Variants in FSTL1 observed in about 807,000 individuals in gnomAD.
FSTL1 encodes the protein follistatin-related protein 1.
FSTL1 carries 24 observed loss-of-function variants against 45.9 expected under a neutral mutation model. That is an observed-to-expected ratio of 0.52 (90% CI 0.38 to 0.74). The LOEUF (loss-of-function observed/expected upper bound fraction) is 0.74, where lower values mean the gene tolerates loss of function less well. FSTL1 is among the 30% of genes least tolerant of loss of function. The pLI, the probability that FSTL1 is intolerant of heterozygous loss-of-function variation, is 0.00. For synonymous variants in FSTL1, 120 were observed against 137.6 expected, an observed-to-expected ratio of 0.87 and a Z score of 0.89; for missense variants, 340 against 381.8, an observed-to-expected ratio of 0.89 and a Z score of 0.91.
intron 2 of FSTL1, among the ~76,000 whole-genome samples, chr3:120,439,481 G>C (rs1937605355): frequency 6.6e-6 from 1 of 152,196 alleles, no homozygotes; most frequent in Admixed American, 6.5e-5. Flanking sequence ...GCTTTTGATG[G>C]AGGCCTAGTA....
At chr3:120,425,877 G>C (rs1350574621) in intron 2 of FSTL1, among the ~76,000 whole-genome samples, 1 of 152,180 alleles carries the variant, frequency 6.6e-6, no homozygotes, top group East Asian at 1.9e-4. Flanking sequence ...CCCCAATTGA[G>C]TGTCCTGATT....
intron 6 of FSTL1, among the ~76,000 whole-genome samples, chr3:120,406,401 G>A (rs1004977954): frequency 1.4e-4 from 21 of 152,176 alleles, no homozygotes; most frequent in African/African-American, 4.6e-4. Context: ...GCCTGATGAT[G>A]GAATGAGTGT....
At chr3:120,442,285 A>G (rs1005057025) in intron 2 of FSTL1, among the ~76,000 whole-genome samples, 2 of 152,186 alleles carry the variant, frequency 1.3e-5, no homozygotes, top group African/African-American at 4.8e-5. Flanking sequence ...ACAAGGCCTC[A>G]CAGCTGGACA....
Position 120,403,235 on chromosome 3 carries a change from G to A in FSTL1, c.694+7C>T. 2.1e-6 allele frequency: 3 copies of A among 1,458,730 alleles called. No individual in the cohort carries two copies. In the South Asian group the frequency reaches 3.4e-5, roughly 17 times the overall value. 90.4% of individuals were successfully genotyped at this position (1,458,730 alleles called of 1,614,324 possible). On this transcript the variant is annotated splice_region_variant and intron_variant, in intron 8 of 10. Transcript: ENST00000295633. ...CTACAGCTCTCTATTTCTTAGGTTA[G>A]GCATACTCTTCTCAGGAGGGTTGAA...
At position 120,409,577 on chromosome 3, in the gene FSTL1, G is replaced by A; in HGVS notation, c.417C>T (p.Phe139=). 6.2e-7 allele frequency: 1 copy of A among 1,613,786 alleles called. No individual in the cohort carries two copies. ...TTTCACTGTAGTTGCTGCCTTTAGA[G>A]AACCAGCCATCTGGAATGATCTCAG... ...LEAEIIPDGW[F]SKGSNYSEIL... Residue 139 remains phenylalanine (F), a synonymous_variant, in exon 6 of 11, where the codon TTC becomes TTT. Transcript: ENST00000295633.
intron 5 of FSTL1, chr3:120,410,706 C>T (rs1937034237): frequency 3.2e-6 from 2 of 627,626 alleles, no homozygotes; most frequent in Admixed American, 2.1e-5. Context: ...AGTTCAATCA[C>T]TACTCAGGAA....
At chr3:120,440,381 T>C (rs1937616002) in intron 2 of FSTL1, among the ~76,000 whole-genome samples, 1 of 152,252 alleles carries the variant, frequency 6.6e-6, no homozygotes, top group African/African-American at 2.4e-5. Context: ...GAGTGGATGT[T>C]ACCTAGCAGA....
intron 2 of FSTL1, among the ~76,000 whole-genome samples, chr3:120,437,344 C>T (rs1376543698): frequency 6.6e-6 from 1 of 152,130 alleles, no homozygotes; most frequent in Non-Finnish European, 1.5e-5. Context: ...GAATGACATG[C>T]ACTTATTAAA....
At chr3:120,439,130 G>A (rs1937601958) in intron 2 of FSTL1, among the ~76,000 whole-genome samples, 1 of 152,138 alleles carries the variant, frequency 6.6e-6, no homozygotes, top group African/African-American at 2.4e-5. Flanking sequence ...CGTGCAGGGA[G>A]GAGGCGAGAG....
intron 3 of FSTL1, among the ~76,000 whole-genome samples, chr3:120,412,834 GCGCGCACACACACACA>G (rs1937095612): frequency 6.1e-4 from 47 of 77,540 alleles, no homozygotes; most frequent in African/African-American, 1.7e-3. Flanking sequence ...GCGCGCGCGC[GCGCGCACACACACACA>G]CACACACACA....
In FSTL1 at chr3:120,412,817, T is replaced by TGC. The variant is rs1491195635; in HGVS notation, c.169-835_169-834insGC. ...AGGCAGGCAGGCAAACACACACACA[T>TGC]GTGCGCGCGCGCGCGCGCGCGCACA... On this transcript the variant is annotated intron_variant, in intron 3 of 10. Transcript: ENST00000295633. Among the ~76,000 whole-genome samples, 139 of 87,662 alleles carry TGC rather than the reference T, an allele frequency of 1.6e-3. 3 individuals are homozygous for TGC. The East Asian group carries it at 0.017, about 10-fold the overall frequency. 57.5% of individuals were successfully genotyped at this position (87,662 alleles called of 152,430 possible). A position where few individuals can be genotyped will look rare whatever the true frequency, so the allele number is the denominator to read the frequency against.
intron 2 of FSTL1, among the ~76,000 whole-genome samples, chr3:120,446,250 A>G (rs1267675): frequency 0.6 from 91,981 of 152,044 alleles, 30,393 homozygotes; most frequent in East Asian, 0.79. Flanking sequence ...CACTGACTTC[A>G]AAGACTTTCT....
At position 120,393,140 on chromosome 3, in the gene FSTL1, T is replaced by G. The variant is rs1414485136; in HGVS notation, c.*3812A>C. ...AGATTCCCTTCTGAGAATGAAAATT[T>G]GAAGAATCAAACTGTAAGAGCAGTA... is the stretch of plus-strand genomic sequence containing the variant. On this transcript the variant is annotated 3_prime_UTR_variant, in exon 11 of 11. Coordinates refer to ENST00000295633, the MANE Select transcript of FSTL1 (RefSeq NM_007085.5). 6.6e-6 allele frequency: 1 copy of G among 152,200 alleles called. No individual in the cohort carries two copies. Among genetic ancestry groups the G allele is most frequent in the Non-Finnish European group, 1.5e-5 (1 of 68,042 alleles). 9.4% of individuals were successfully genotyped at this position (152,200 alleles called of 1,614,324 possible).
intron 2 of FSTL1, among the ~76,000 whole-genome samples, chr3:120,427,063 T>C (rs1298535231): frequency 6.6e-6 from 1 of 152,164 alleles, no homozygotes; most frequent in Non-Finnish European, 1.5e-5. Context: ...TGAGGAATTG[T>C]CAGATGCTTC....
chr3:120,415,850 G>A (rs1164645869), intron 3 of FSTL1, 73 bp downstream of exon 3: 1 of 808,956 alleles, frequency 1.2e-6, no homozygotes, highest in Non-Finnish European at 2.2e-6. Context: ...GGCACTGCCT[G>A]CTGATGGGTG....
chr3:120,429,686 T>C (rs1401813492), intron 2 of FSTL1, among the ~76,000 whole-genome samples: 1 of 152,188 alleles, frequency 6.6e-6, no homozygotes, highest in Non-Finnish European at 1.5e-5. Flanking sequence ...GCTCTGGGCA[T>C]GAACTGCCTT....
At chr3:120,402,680 G>A in intron 9 of FSTL1, 128 bp downstream of exon 9, 1 of 672,988 alleles carries the variant, frequency 1.5e-6, no homozygotes, top group Non-Finnish European at 2.7e-6. Context: ...TACAGGTGTG[G>A]GTCTGCCTGG....
intron 10 of FSTL1, among the ~76,000 whole-genome samples, chr3:120,399,421 CCCAAAT>C (rs1432046851): frequency 6.6e-6 from 1 of 152,212 alleles, no homozygotes; most frequent in Non-Finnish European, 1.5e-5. Context: ...TCTGCTGTGG[CCCAAAT>C]CCACTGCTTT....
chr3:120,414,416 A>G (rs1476736185), intron 3 of FSTL1, among the ~76,000 whole-genome samples: 9 of 148,626 alleles, frequency 6.1e-5, no homozygotes, highest in South Asian at 4.3e-4. Flanking sequence ...AGATGTGGGG[A>G]GCGCCTCTGC....
Sources: gnomAD v4.1 joint callset for allele counts (sites outside exome capture counted in the v4.1 genomes callset) on GRCh38, gnomAD v4.1.1 for gene constraint, MANE v1.5 for transcripts, NCBI Gene and HGNC (gene_info 2026-07-23, HGNC 2026-07-21) for gene names.